Variants in ZFP1 observed in about 807,000 individuals in gnomAD.
The protein encoded by ZFP1 is ZFP1 zinc finger protein.
In ZFP1, 32 loss-of-function variants were observed where a neutral mutation model predicts 38.5. The ratio of observed to expected loss-of-function variants is 0.83; its 90% CI spans 0.63 to 1.12. The LOEUF (loss-of-function observed/expected upper bound fraction) is 1.12, where lower values mean the gene tolerates loss of function less well. Ranked by LOEUF, ZFP1 falls within the 50% of genes most tolerant of loss-of-function variation. The pLI is 0.00. For synonymous variants in ZFP1, 245 were observed against 168.8 expected (o/e 1.45, Z -3.50); for missense variants, 616 against 480.8 (o/e 1.28, Z -2.63).
chr16:75,133,080 C>T, the ZFP1 span, among the ~76,000 whole-genome samples: 2 of 151,894 alleles, frequency 1.3e-5, no homozygotes, highest in South Asian at 4.2e-4. Context: ...TGGGTTCAAG[C>T]GAGTCTCCTG....
chr16:75,154,310 T>A (rs778686615), intron 2 of ZFP1, among the ~76,000 whole-genome samples: 4 of 152,226 alleles, frequency 2.6e-5, no homozygotes, highest in Non-Finnish European at 4.4e-5. Context: ...CATGATGTGA[T>A]GTACCACGGT....
Position 75,170,346 on chromosome 16 carries a change from G to A in ZFP1, c.*12G>A. ...GGGAGAAACCCTGAAACTCCAGCCA[G>A]GTCTTACTGTGGAAAACTCCTGCCA... On this transcript the variant is annotated 3_prime_UTR_variant, in exon 4 of 4. Transcript: ENST00000570010. 1 of 1,549,962 alleles carries A rather than the reference G, an allele frequency of 6.5e-7. No homozygotes were observed. The highest frequency in any genetic ancestry group is 8.7e-7 in the Non-Finnish European group (1 of 1,149,004).
At chr16:75,120,067 G>C in the ZFP1 span, among the ~76,000 whole-genome samples, 2 of 152,184 alleles carry the variant, frequency 1.3e-5, no homozygotes, top group Non-Finnish European at 2.9e-5. Context: ...GATTTTAAAA[G>C]ATTTTTTTAA....
the ZFP1 span, among the ~76,000 whole-genome samples, chr16:75,125,194 G>C: frequency 6.6e-6 from 1 of 152,146 alleles, no homozygotes; most frequent in Admixed American, 6.5e-5. Flanking sequence ...AGGAAGCAGT[G>C]GTTACAGTGA....
At chr16:75,128,054 C>G in the ZFP1 span, 4 of 152,208 alleles carry the variant, frequency 2.6e-5, no homozygotes, top group Non-Finnish European at 5.9e-5. Flanking sequence ...GTTATTTTTA[C>G]CAAGACTTTG....
the ZFP1 span, among the ~76,000 whole-genome samples, chr16:75,139,396 A>C: frequency 8.1e-6 from 1 of 124,046 alleles, no homozygotes; most frequent in Non-Finnish European, 1.5e-5. Context: ...AAAAAAAAAA[A>C]CACCGTCAGA....
intron 2 of ZFP1, among the ~76,000 whole-genome samples, chr16:75,165,203 G>C (rs2870464): frequency 0.76 from 116,063 of 152,076 alleles, 46,062 homozygotes; most frequent in Non-Finnish European, 0.87. Flanking sequence ...GTTTGTTTTA[G>C]CAGAGACTAC....
At chr16:75,119,310 T>G in the ZFP1 span, among the ~76,000 whole-genome samples, 1 of 152,212 alleles carries the variant, frequency 6.6e-6, no homozygotes, top group Non-Finnish European at 1.5e-5. Context: ...ATAGGACAAT[T>G]TGCTGAGGCC....
intron 2 of ZFP1, 84 bp downstream of exon 2, chr16:75,153,050 A>G (rs1201115415): frequency 1.3e-6 from 2 of 1,550,132 alleles, no homozygotes; most frequent in Non-Finnish European, 1.8e-6. Flanking sequence ...ATAGAAAAGT[A>G]TGAATAAGAC....
chr16:75,147,452 A>AT (rs34096115), upstream of ZFP1, among the ~76,000 whole-genome samples: 123,685 of 140,982 alleles, frequency 0.88, 54,331 homozygotes, highest in Non-Finnish European at 0.91. Context: ...TAATTTTTGT[A>AT]TTTTTTTTTT....
At chr16:75,162,616 T>C (rs1256998378) in intron 2 of ZFP1, among the ~76,000 whole-genome samples, 1 of 152,220 alleles carries the variant, frequency 6.6e-6, no homozygotes, top group East Asian at 1.9e-4. Flanking sequence ...TGATTGATCA[T>C]GTCACCAAGT....
Position 75,169,930 on chromosome 16 carries a change from G to A in ZFP1, c.820G>A (p.Gly274Arg), listed in dbSNP as rs1455433137. The part of the protein sequence containing the change: ...EKKPYECSEC[G>R]KTFAQKFELT... ...GAAGCCCTATGAGTGCAGTGAATGT[G>A]GAAAGACATTTGCCCAAAAGTTTGA... Residue 274 changes from glycine to arginine, a missense_variant, in exon 4 of 4, where the codon GGA becomes AGA. Coordinates refer to ENST00000570010, the MANE Select transcript of ZFP1 (RefSeq NM_153688.4). 1 of 1,614,150 alleles carries A rather than the reference G, an allele frequency of 6.2e-7. No individual in the cohort carries two copies. Among genetic ancestry groups the A allele is most frequent in the African/African-American group, 1.3e-5 (1 of 75,040 alleles).
the ZFP1 span, among the ~76,000 whole-genome samples, chr16:75,139,614 G>T: frequency 6.6e-6 from 1 of 152,050 alleles, no homozygotes; most frequent in Admixed American, 6.6e-5. Context: ...ATTGCTTGAG[G>T]CCAGGAGGTG....
intron 2 of ZFP1, 133 bp downstream of exon 2, chr16:75,153,099 C>A: frequency 8.1e-7 from 1 of 1,230,368 alleles, no homozygotes. Flanking sequence ...TCAATACCAG[C>A]AGCCAAAAAG....
At chr16:75,150,251 C>G (rs184257816) in intron 1 of ZFP1, among the ~76,000 whole-genome samples, 1 of 147,656 alleles carries the variant, frequency 6.8e-6, no homozygotes, top group Non-Finnish European at 1.5e-5. Flanking sequence ...CTCTGTTGCC[C>G]AGTCTGGAGT....
chr16:75,150,898 G>A (rs1597034490), intron 1 of ZFP1, among the ~76,000 whole-genome samples: 1 of 152,168 alleles, frequency 6.6e-6, no homozygotes, highest in Admixed American at 6.5e-5. Flanking sequence ...AGTCACAGCT[G>A]TCTGCAACCT....
chr16:75,133,344 G>A, the ZFP1 span, among the ~76,000 whole-genome samples: 1 of 152,032 alleles, frequency 6.6e-6, no homozygotes, highest in East Asian at 1.9e-4. Context: ...ATGTCATGGG[G>A]GTTTGCTGTA....
chr16:75,170,389 G>A lies in ZFP1; in HGVS notation c.*55G>A. 2 of 1,502,306 alleles carry A rather than the reference G, an allele frequency of 1.3e-6. No individual in the cohort carries two copies. Among genetic ancestry groups the A allele is most frequent in the Non-Finnish European group, 1.8e-6 (2 of 1,126,416 alleles). 93.1% of individuals were successfully genotyped at this position (1,502,306 alleles called of 1,614,324 possible). A position where few individuals can be genotyped will look rare whatever the true frequency, so the allele number is the denominator to read the frequency against. On this transcript the variant is annotated 3_prime_UTR_variant, in exon 4 of 4. Coordinates refer to ENST00000570010, the MANE Select transcript of ZFP1 (RefSeq NM_153688.4). Reference sequence around the variant, plus strand: ...TCCTGCCAGAACTCTTCAAGCGGGTGAAAAACCTCATGACAGTATTGAGGG... The same window carrying A: ...TCCTGCCAGAACTCTTCAAGCGGGTAAAAAACCTCATGACAGTATTGAGGG...
chr16:75,146,126 A>C (rs571785278), upstream of ZFP1, among the ~76,000 whole-genome samples: 9 of 151,988 alleles, frequency 5.9e-5, no homozygotes, highest in South Asian at 6.2e-4. Context: ...CTGTCTCATT[A>C]ACATACTGTT....
Sources: allele counts gnomAD v4.1 joint callset (sites outside exome capture counted in the v4.1 genomes callset), GRCh38; gene constraint gnomAD v4.1.1; transcripts MANE v1.5; gene names NCBI Gene and HGNC (gene_info 2026-07-23, HGNC 2026-07-21).